Variants in GPC5 observed in about 807,000 individuals in gnomAD.
The protein encoded by GPC5 is glypican-5.
GPC5 carries 47 observed loss-of-function variants against 53.9 expected under a neutral mutation model. The observed-to-expected ratio is 0.87, with a 90% CI of 0.69 to 1.11. The LOEUF (loss-of-function observed/expected upper bound fraction) is 1.11. GPC5 is among the 50% of genes most tolerant of loss of function. The probability of loss-of-function intolerance (pLI) is 0.00; values close to 1 mark genes in which losing one functional copy is unlikely to be tolerated. For synonymous variants in GPC5, 286 were observed against 263.3 expected (o/e 1.09, Z -0.84); for missense variants, 748 against 713.1 (o/e 1.05, Z -0.56).
rs185643472 is a variant in GPC5, at chr13:92,132,479, G to C, written c.1402-12351G>C. 1.5e-3 allele frequency among the ~76,000 whole-genome samples: 234 copies of C among 152,214 alleles called. 1 individual carries two copies. The highest frequency in any genetic ancestry group is 9.3e-3 in the South Asian group (45 of 4,822). On this transcript the variant is annotated intron_variant, in intron 6 of 7. Coordinates refer to ENST00000377067, the MANE Select transcript of GPC5 (RefSeq NM_004466.6). ...CCTCCAGAAGGATATGAGGGAGGCT[G>C]TCTGTGTTTCCTGAATCTCTTGCAG...
At chr13:92,560,640 AG>A (rs1402475378) in intron 7 of GPC5, among the ~76,000 whole-genome samples, 3 of 151,986 alleles carry the variant, frequency 2.0e-5, no homozygotes, top group African/African-American at 7.2e-5. Context: ...ACCAGGCAAA[AG>A]GTGGAAAGGT....
At chr13:92,384,308 T>C (rs2043774520) in intron 7 of GPC5, among the ~76,000 whole-genome samples, 1 of 152,114 alleles carries the variant, frequency 6.6e-6, no homozygotes, top group African/African-American at 2.4e-5. Flanking sequence ...GCTGCAAGAC[T>C]CTGAAATTCA....
chr13:91,912,614 C>T (rs2039619752), intron 6 of GPC5, among the ~76,000 whole-genome samples: 1 of 152,056 alleles, frequency 6.6e-6, no homozygotes, highest in Non-Finnish European at 1.5e-5. Flanking sequence ...AAAACAAATA[C>T]TTTTCCGTGG....
At chr13:92,349,888 G>A (rs2043461241) in intron 7 of GPC5, among the ~76,000 whole-genome samples, 1 of 152,012 alleles carries the variant, frequency 6.6e-6, no homozygotes, top group African/African-American at 2.4e-5. Context: ...CATTTATCAA[G>A]TCACCATTAC....
Position 92,482,695 on chromosome 13 carries a change from A to G in GPC5, c.1561+337706A>G, listed in dbSNP as rs1353122731. Among the ~76,000 whole-genome samples, 5 of 152,266 alleles carry G rather than the reference A, an allele frequency of 3.3e-5. No individual in the cohort carries two copies. In the East Asian group the frequency reaches 7.7e-4, roughly 24 times the overall value. On this transcript the variant is annotated intron_variant, in intron 7 of 7. Coordinates refer to ENST00000377067, the MANE Select transcript of GPC5 (RefSeq NM_004466.6). ...TTCCATTAGAGTGGAAGTCAGGTAC[A>G]CTTTTACCCACGATTGTATTGCACT...
intron 7 of GPC5, among the ~76,000 whole-genome samples, chr13:92,170,176 A>C (rs2042059314): frequency 6.6e-6 from 1 of 151,772 alleles, no homozygotes; most frequent in Non-Finnish European, 1.5e-5. Flanking sequence ...AAAAACCTTA[A>C]GATTTTCTTC....
chr13:91,458,681 T>C (rs1411216181), intron 2 of GPC5, among the ~76,000 whole-genome samples: 2 of 152,136 alleles, frequency 1.3e-5, no homozygotes, highest in Non-Finnish European at 2.9e-5. Context: ...ATTACATTGA[T>C]CCAGCAATCC....
intron 2 of GPC5, among the ~76,000 whole-genome samples, chr13:91,669,504 A>G (rs1413016112): frequency 3.3e-5 from 5 of 152,226 alleles, no homozygotes; most frequent in East Asian, 1.9e-4. Context: ...TTGTTAATTA[A>G]CATATCCTCC....
At chr13:92,026,239 A>G (rs1333749156) in intron 6 of GPC5, among the ~76,000 whole-genome samples, 1 of 152,018 alleles carries the variant, frequency 6.6e-6, no homozygotes, top group African/African-American at 2.4e-5. Context: ...ACATATGCAA[A>G]TTATTAATAA....
intron 6 of GPC5, among the ~76,000 whole-genome samples, chr13:92,045,728 G>T (rs1395059236): frequency 1.3e-5 from 2 of 152,138 alleles, no homozygotes; most frequent in African/African-American, 2.4e-5. Flanking sequence ...AAAGTTTCAG[G>T]AGGGGCCAGG....
At chr13:91,436,823 A>C (rs1329592545) in intron 1 of GPC5, among the ~76,000 whole-genome samples, 1 of 152,128 alleles carries the variant, frequency 6.6e-6, no homozygotes, top group Non-Finnish European at 1.5e-5. Context: ...TGAGAGTCTA[A>C]GTCTCTTTCT....
At chr13:92,371,827 A>T (rs1028100677) in intron 7 of GPC5, among the ~76,000 whole-genome samples, 1 of 152,180 alleles carries the variant, frequency 6.6e-6, no homozygotes, top group African/African-American at 2.4e-5. Flanking sequence ...TTGGGTGGGG[A>T]CAAAAATCCT....
At chr13:92,514,878 T>C (rs1416198033) in intron 7 of GPC5, among the ~76,000 whole-genome samples, 1 of 152,150 alleles carries the variant, frequency 6.6e-6, no homozygotes, top group African/African-American at 2.4e-5. Context: ...GACAGCAACC[T>C]GAAAAAAATA....
intron 5 of GPC5, among the ~76,000 whole-genome samples, chr13:91,786,381 T>C (rs1340551008): frequency 6.6e-6 from 1 of 152,256 alleles, no homozygotes; most frequent in Admixed American, 6.5e-5. Flanking sequence ...GTGACCTCTC[T>C]GATCAGCTTC....
intron 7 of GPC5, among the ~76,000 whole-genome samples, chr13:92,325,010 A>T (rs1360351674): frequency 3.3e-5 from 5 of 151,888 alleles, no homozygotes; most frequent in African/African-American, 1.2e-4. Flanking sequence ...GATTTTGCAA[A>T]ATACGTAAAA....
intron 7 of GPC5, among the ~76,000 whole-genome samples, chr13:92,794,069 G>A (rs575977002): frequency 1.3e-5 from 2 of 152,112 alleles, no homozygotes; most frequent in African/African-American, 2.4e-5. Flanking sequence ...AAGCCTGACA[G>A]ACACACAACA....
intron 7 of GPC5, among the ~76,000 whole-genome samples, chr13:92,513,664 A>G (rs905617040): frequency 1.3e-5 from 2 of 151,816 alleles, no homozygotes; most frequent in African/African-American, 4.8e-5. Context: ...AATGCTTGGG[A>G]TAAGAAGTGT....
In GPC5 at chr13:92,535,017, GTAT is replaced by G. The variant is rs1341155691; in HGVS notation, c.1562-331259_1562-331257del. Among the ~76,000 whole-genome samples the G allele has an allele frequency of 1.1e-4, 17 of 152,226 alleles. 1 individual carries two copies. Among genetic ancestry groups the G allele is most frequent in the African/African-American group, 3.9e-4 (16 of 41,530 alleles). ...ATTCTGGCCCACAGAGTCAAATGAG[GTAT>G]TATTAGAGTTCTAGTCAAAATTCAT... On this transcript the variant is annotated intron_variant, in intron 7 of 7. Coordinates refer to ENST00000377067, the MANE Select transcript of GPC5 (RefSeq NM_004466.6).
chr13:92,829,894 A>G (rs1566436092), intron 7 of GPC5, among the ~76,000 whole-genome samples: 1 of 152,140 alleles, frequency 6.6e-6, no homozygotes, highest in Non-Finnish European at 1.5e-5. Context: ...GTAGTGGAAA[A>G]TCTTCCTGTC....
Sources: allele counts gnomAD v4.1 joint callset (sites outside exome capture counted in the v4.1 genomes callset), GRCh38; gene constraint gnomAD v4.1.1; transcripts MANE v1.5; gene names NCBI Gene and HGNC (gene_info 2026-07-23, HGNC 2026-07-21).